Variants in SEC31B observed in about 807,000 individuals in gnomAD.
SEC31B encodes SEC31 homolog B, COPII component.
Under a neutral mutation model 135.0 loss-of-function variants are expected in SEC31B, and 113 were observed. The ratio of observed to expected loss-of-function variants is 0.84; its 90% confidence interval spans 0.72 to 0.98. The LOEUF (loss-of-function observed/expected upper bound fraction) is 0.98. Among genes scored for constraint, SEC31B ranks in the 50% least tolerant of loss-of-function variants. SEC31B has a pLI of 0.00. For synonymous variants in SEC31B, 508 were observed against 549.4 expected (o/e 0.92, Z 1.05); for missense variants, 1,296 against 1,421.1 (o/e 0.91, Z 1.42).
Position 100,507,474 on chromosome 10 carries a change from C to T in SEC31B, c.733G>A (p.Asp245Asn), listed in dbSNP as rs1851653848. ...DDRLPVIQLWDLRFASSPLKV... is the reference protein window; with the variant it reads ...DDRLPVIQLWNLRFASSPLKV... ...AAGGGCGAGGAGGCAAAGCGCAAGT[C>T]CCACAGCTGAATCACGGGAAGTCGA... The change falls in exon 7 of 26, where the codon GAC becomes AAC. Residue 245 changes from aspartate (D) to asparagine (N), a missense_variant. Asp to Asn is a conservative substitution (Grantham distance 23). Coordinates refer to ENST00000370345, the MANE Select transcript of SEC31B (RefSeq NM_015490.4). The T allele has an allele frequency of 6.2e-7, 1 of 1,614,098 alleles. No homozygotes were observed. The highest frequency in any genetic ancestry group is 8.5e-7 in the Non-Finnish European group (1 of 1,180,040).
intron 19 of SEC31B, among the ~76,000 whole-genome samples, chr10:100,492,291 C>G (rs1851315525): frequency 6.6e-6 from 1 of 152,214 alleles, no homozygotes; most frequent in South Asian, 2.1e-4. Flanking sequence ...ATGGCACAAT[C>G]TCAGCTCACT....
At chr10:100,498,941 A>G in intron 13 of SEC31B, 137 bp from the exon 14 acceptor site, 1 of 720,374 alleles carries the variant, frequency 1.4e-6, no homozygotes, top group Non-Finnish European at 2.3e-6. Flanking sequence ...AGGTTTGGGG[A>G]GGGCCATAGT....
In SEC31B at chr10:100,509,475, C is replaced by A. The variant is rs780636121; in HGVS notation, c.240G>T (p.Gly80=). 5 of 1,613,854 alleles carry A rather than the reference C, an allele frequency of 3.1e-6. No individual in the cohort carries two copies. The highest frequency in any genetic ancestry group is 4.2e-6 in the Non-Finnish European group (5 of 1,179,866). ...HKLVWGSFGS[G]LLESSGVIVG... is the part of the protein sequence containing the mutation. ...CAATAACCCCGGAGCTTTCCAGAAGCCCACTGCCAAAGCTCCCCCAGACCA... is the reference window on the plus strand; with the variant it reads ...CAATAACCCCGGAGCTTTCCAGAAGACCACTGCCAAAGCTCCCCCAGACCA... The change falls in exon 4 of 26, where the codon GGG becomes GGT. Residue 80 remains glycine, a synonymous_variant. Transcript: ENST00000370345.
rs1237926764 is a variant in SEC31B, at chr10:100,496,353, C to T, written c.2215G>A (p.Ala739Thr). ...TACTGAGTGACCCTGTAGGTTGTGG[C>T]AGGGCCTGGGCTCACCCCATGAGGA... Reference protein sequence around the residue: ...RGPHGVSPGPATTYRVTQYAN... With the variant: ...RGPHGVSPGPTTTYRVTQYAN... The change falls in exon 18 of 26, where the codon GCC (alanine) becomes ACC (threonine). Residue 739 changes from alanine to threonine, a missense_variant. By Grantham distance (58) the Ala-to-Thr change is moderately conservative. Transcript: ENST00000370345. 1 of 1,614,204 alleles carries T rather than the reference C, an allele frequency of 6.2e-7. No homozygotes were observed. The highest frequency in any genetic ancestry group is 8.5e-7 in the Non-Finnish European group (1 of 1,180,028).
intron 16 of SEC31B, 79 bp downstream of exon 16, chr10:100,497,588 C>T: frequency 6.2e-7 from 1 of 1,605,598 alleles, no homozygotes; most frequent in Non-Finnish European, 8.5e-7. Flanking sequence ...GTCTGCTCCT[C>T]CACCTCCCTC....
intron 3 of SEC31B, among the ~76,000 whole-genome samples, chr10:100,512,790 A>T (rs1851759122): frequency 6.6e-6 from 1 of 152,226 alleles, no homozygotes; most frequent in South Asian, 2.1e-4. Flanking sequence ...AAAGGGAATA[A>T]GAGACTGAAC....
chr10:100,503,410 C>T (rs1201099270), intron 10 of SEC31B, among the ~76,000 whole-genome samples: 3 of 151,780 alleles, frequency 2.0e-5, no homozygotes, highest in East Asian at 1.9e-4. Context: ...TCAGGTTATT[C>T]CAATGTGTAT....
chr10:100,515,268 G>C lies in SEC31B; in HGVS notation c.203+828C>G, dbSNP rs191205016. ...GATCGTGCCACTGCAATCCAGCCTG[G>C]GCGACAGAGTAAGACCCTGTTCCAA... On this transcript the variant is annotated intron_variant, in intron 3 of 25. Coordinates refer to ENST00000370345, the MANE Select transcript of SEC31B (RefSeq NM_015490.4). 2.0e-5 allele frequency among the ~76,000 whole-genome samples: 3 copies of C among 152,236 alleles called. No individual in the cohort carries two copies. In the East Asian group the frequency reaches 5.8e-4, roughly 29 times the overall value.
chr10:100,506,031 C>T lies in SEC31B; in HGVS notation c.1044+9G>A. The T allele has an allele frequency of 6.2e-7, 1 of 1,613,352 alleles. No individual in the cohort carries two copies. Among genetic ancestry groups the T allele is most frequent in the Middle Eastern group, 1.9e-4 (1 of 5,382 alleles). On this transcript the variant is annotated intron_variant, in intron 9 of 25. Coordinates refer to ENST00000370345, the MANE Select transcript of SEC31B (RefSeq NM_015490.4). ...TTCCCTCCAGCATTCTCTACCAAGCCCTTCAAACCTTGTCAGCCTGTCTCA... is the reference window on the plus strand; with the variant it reads ...TTCCCTCCAGCATTCTCTACCAAGCTCTTCAAACCTTGTCAGCCTGTCTCA...
rs76332529 is a variant in SEC31B at position 100,511,792 on chromosome 10, C to T, written c.204-2281G>A. ...CCAAAATAACTTGGGAAACTCAAGCCTCCCTAGAAGTCAAACAGAGTGATT... is the reference window on the plus strand; with the variant it reads ...CCAAAATAACTTGGGAAACTCAAGCTTCCCTAGAAGTCAAACAGAGTGATT... On this transcript the variant is annotated intron_variant, in intron 3 of 25. Transcript: ENST00000370345. Among the ~76,000 whole-genome samples the T allele has an allele frequency of 9.1e-4, 139 of 152,264 alleles. 1 individual carries two copies. Among genetic ancestry groups the T allele is most frequent in the African/African-American group, 3.3e-3 (138 of 41,552 alleles).
chr10:100,506,364 G>A lies in SEC31B; in HGVS notation c.839C>T (p.Ala280Val). Residue 280 changes from alanine (A) to valine (V), a missense_variant, in exon 8 of 26, where the codon GCT becomes GTT. Transcript: ENST00000370345. ...CCGGCACAAGATCTGGCTGTCCTTA[G>A]CACTAGTGAGCAGCAGCTCAGCATC... The part of the protein sequence containing the change: ...QADAELLLTS[A>V]KDSQILCRNL... 1 of 1,614,140 alleles carries A rather than the reference G, an allele frequency of 6.2e-7. No individual in the cohort carries two copies. Among genetic ancestry groups the A allele is most frequent in the Non-Finnish European group, 8.5e-7 (1 of 1,180,034 alleles).
intron 21 of SEC31B, 55 bp from the exon 22 acceptor site, chr10:100,489,816 T>G: frequency 6.2e-7 from 1 of 1,612,130 alleles, no homozygotes; most frequent in Non-Finnish European, 8.5e-7. Context: ...CACTGGAAGT[T>G]TTTTATCTGA....
intron 3 of SEC31B, among the ~76,000 whole-genome samples, chr10:100,511,394 G>A (rs1308822100): frequency 6.6e-6 from 1 of 152,192 alleles, no homozygotes; most frequent in South Asian, 2.1e-4. Context: ...ATGAAAACGG[G>A]AACAAGAGAT....
In SEC31B at chr10:100,516,564, G is replaced by T. The variant is rs1433581307; in HGVS notation, c.79+310C>A. Reference sequence around the variant, plus strand: ...CTCAGGAGGCTGAGGCAGGAGAATGGCATGAACCCAGGAGGCGGAGCTTGC... The same window carrying T: ...CTCAGGAGGCTGAGGCAGGAGAATGTCATGAACCCAGGAGGCGGAGCTTGC... On this transcript the variant is annotated intron_variant, in intron 2 of 25. Transcript: ENST00000370345. 2.0e-5 allele frequency among the ~76,000 whole-genome samples: 3 copies of T among 148,858 alleles called. No individual in the cohort carries two copies. The East Asian group carries it at 6.0e-4, about 30-fold the overall frequency.
At chr10:100,492,758 A>G (rs1260346921) in intron 19 of SEC31B, among the ~76,000 whole-genome samples, 2 of 152,272 alleles carry the variant, frequency 1.3e-5, no homozygotes, top group Non-Finnish European at 2.9e-5. Flanking sequence ...GCATTTCTAT[A>G]TACTCACAAT....
rs765535976 is a variant in SEC31B at position 100,516,184 on chromosome 10, T to C, written c.115A>G (p.Thr39Ala). Reference sequence around the variant, plus strand: ...TCAAATATTTCCAATGTGCCATTTGTGCTGAAGGAGGAATCTAGCTGTTGG... The same window carrying C: ...TCAAATATTTCCAATGTGCCATTTGCGCTGAAGGAGGAATCTAGCTGTTGG... ...SAQQLDSSFS[T>A]NGTLEIFEVD... The change falls in exon 3 of 26, where the codon ACA becomes GCA. Residue 39 changes from threonine (T) to alanine (A), a missense_variant. Thr to Ala is a moderately conservative substitution (Grantham distance 58). Transcript: ENST00000370345. The C allele has an allele frequency of 6.2e-7, 1 of 1,613,854 alleles. No individual in the cohort carries two copies. The highest frequency in any genetic ancestry group is 1.3e-5 in the African/African-American group (1 of 74,916).
At chr10:100,506,965 A>C (rs1195022378) in intron 7 of SEC31B, among the ~76,000 whole-genome samples, 4 of 152,142 alleles carry the variant, frequency 2.6e-5, no homozygotes, top group Non-Finnish European at 2.9e-5. Context: ...AACTGGTCTA[A>C]AAAAATAAAG....
intron 21 of SEC31B, 31 bp downstream of exon 21, chr10:100,489,977 C>A: frequency 6.5e-7 from 1 of 1,533,280 alleles, no homozygotes; most frequent in South Asian, 1.3e-5. Context: ...GGCAATAACC[C>A]AGAAGAGGGA....
At chr10:100,505,548 A>G (rs1851613945) in intron 9 of SEC31B, 53 bp from the exon 10 acceptor site, 2 of 1,502,982 alleles carry the variant, frequency 1.3e-6, no homozygotes, top group Non-Finnish European at 1.8e-6. Flanking sequence ...TTTAGTCAGG[A>G]ACTCCACCTA....
Sources: allele counts gnomAD v4.1 joint callset (sites outside exome capture counted in the v4.1 genomes callset), GRCh38; gene constraint gnomAD v4.1.1; transcripts MANE v1.5; gene names NCBI Gene and HGNC (gene_info 2026-07-23, HGNC 2026-07-21).